The following SCAF8 variants were observed in gnomAD, a reference collection of about 807,000 sequenced individuals.
SCAF8 encodes SR-related CTD associated factor 8.
Under a neutral mutation model 140.5 loss-of-function variants are expected in SCAF8, and 23 were observed. The observed-to-expected ratio is 0.16, with a 90% CI of 0.12 to 0.23. SCAF8 has a LOEUF of 0.23. Ranked by LOEUF, SCAF8 falls within the 10% of genes least tolerant of loss-of-function variation. SCAF8 has a pLI of 1.00. For missense variants in SCAF8, 1,397 were observed against 1,555.7 expected, an observed-to-expected ratio of 0.90 and a Z score of 1.72; for synonymous variants, 575 against 528.9, an observed-to-expected ratio of 1.09 and a Z score of -1.20.
intron 6 of SCAF8, among the ~76,000 whole-genome samples, chr6:154,800,146 C>CGAGA (rs1777732455): frequency 6.6e-6 from 1 of 151,314 alleles, no homozygotes; most frequent in Admixed American, 6.6e-5. Flanking sequence ...CGTTCTCTCT[C>CGAGA]GCCTCTGCTT....
chr6:154,735,919 C>G (rs113036649), intron 1 of SCAF8, among the ~76,000 whole-genome samples: 1 of 150,756 alleles, frequency 6.6e-6, no homozygotes, highest in African/African-American at 2.4e-5. Context: ...CTTTGCCTCC[C>G]GGGCCCAAGG....
chr6:154,761,493 CAAACA>C (rs956573681), intron 1 of SCAF8, among the ~76,000 whole-genome samples: 25 of 152,106 alleles, frequency 1.6e-4, no homozygotes, highest in African/African-American at 5.8e-4. Flanking sequence ...ACCCCTTCTC[CAAACA>C]AAACAAAACA....
intron 3 of SCAF8, among the ~76,000 whole-genome samples, chr6:154,782,952 A>ATGTCCT (rs1405680177): frequency 1.3e-5 from 2 of 152,180 alleles, no homozygotes; most frequent in Non-Finnish European, 2.9e-5. Context: ...CACATCCAAG[A>ATGTCCT]TCAATACTTT....
At chr6:154,773,930 A>T (rs1776846928) in intron 1 of SCAF8, 59 bp from the exon 2 acceptor site, 3 of 1,000,076 alleles carry the variant, frequency 3.0e-6, no homozygotes, top group Admixed American at 1.9e-5. Flanking sequence ...CATGTTTGGT[A>T]GTTTCATGTA....
At chr6:154,765,191 G>C (rs746578598) in intron 1 of SCAF8, among the ~76,000 whole-genome samples, 1 of 152,116 alleles carries the variant, frequency 6.6e-6, no homozygotes, top group Non-Finnish European at 1.5e-5. Flanking sequence ...CTCAACAAAT[G>C]GTCTTTGATG....
intron 1 of SCAF8, among the ~76,000 whole-genome samples, chr6:154,736,100 C>T (rs1048925506): frequency 6.6e-6 from 1 of 151,876 alleles, no homozygotes; most frequent in African/African-American, 2.4e-5. Context: ...GCTGGGATGA[C>T]AGATGTGAGC....
rs182913982 is a variant in SCAF8, at chr6:154,763,759, A to C, written c.31-10230A>C. Among the ~76,000 whole-genome samples, 356 of 152,138 alleles carry C rather than the reference A, an allele frequency of 2.3e-3. 1 individual carries two copies. Among genetic ancestry groups the C allele is most frequent in the African/African-American group, 7.8e-3 (324 of 41,524 alleles). On this transcript the variant is annotated intron_variant, in intron 1 of 19. Transcript: ENST00000367178. ...GTGTTTATCAAAAAAGAAAAAAAAA[A>C]CCCACATCTGTAGAATGGAGAATGT...
intron 1 of SCAF8, among the ~76,000 whole-genome samples, chr6:154,734,845 C>T (rs1351934165): frequency 6.6e-6 from 1 of 152,204 alleles, no homozygotes; most frequent in Non-Finnish European, 1.5e-5. Flanking sequence ...GTAATTATGG[C>T]CGGGAACAGT....
intron 3 of SCAF8, 123 bp downstream of exon 3, chr6:154,778,168 T>C (rs1353469309): frequency 7.0e-6 from 4 of 574,902 alleles, no homozygotes; most frequent in Non-Finnish European, 1.2e-5. Flanking sequence ...ATTCCAGTTA[T>C]TTTATTTTCC....
At chr6:154,761,413 G>A (rs1301555560) in intron 1 of SCAF8, among the ~76,000 whole-genome samples, 1 of 152,142 alleles carries the variant, frequency 6.6e-6, no homozygotes, top group African/African-American at 2.4e-5. Flanking sequence ...TTGAATCCTG[G>A]AGGTGGAGGT....
chr6:154,794,146 T>C (rs1583041267), intron 5 of SCAF8, among the ~76,000 whole-genome samples: 1 of 151,994 alleles, frequency 6.6e-6, no homozygotes, highest in Non-Finnish European at 1.5e-5. Flanking sequence ...CCCAGGCTGG[T>C]CTCGAACTCT....
rs537106588 is a variant in SCAF8, at chr6:154,780,604, C to T, written c.159+2559C>T. Among the ~76,000 whole-genome samples the T allele has an allele frequency of 1.2e-3, 189 of 151,326 alleles. 1 individual carries two copies. Among genetic ancestry groups the T allele is most frequent in the Non-Finnish European group, 2.1e-3 (142 of 67,856 alleles). On this transcript the variant is annotated intron_variant, in intron 3 of 19. Transcript: ENST00000367178. ...GTTGTCATTGTTCAACTCCCACTTACGAGTGAGAACATGGGATCTTTGGTT... is the reference window on the plus strand; with the variant it reads ...GTTGTCATTGTTCAACTCCCACTTATGAGTGAGAACATGGGATCTTTGGTT...
At chr6:154,830,125 C>T (rs17085701) in intron 18 of SCAF8, among the ~76,000 whole-genome samples, 202 of 152,264 alleles carry the variant, frequency 1.3e-3, no homozygotes, top group East Asian at 6.9e-3. Context: ...AGTTGTGTGC[C>T]AGATGCTATC....
chr6:154,781,196 A>C lies in SCAF8; in HGVS notation c.159+3151A>C, dbSNP rs79565762. On this transcript the variant is annotated intron_variant, in intron 3 of 19. Transcript: ENST00000367178. ...AAGCATTCCTATACACCAACAATAT[A>C]CACCAAGCAGAGAGCCACGTTATGA... is the stretch of plus-strand genomic sequence containing the variant. Among the ~76,000 whole-genome samples the C allele has an allele frequency of 7.0e-3, 1,061 of 152,222 alleles. 9 individuals carry two copies. The highest frequency in any genetic ancestry group is 0.011 in the Non-Finnish European group (738 of 68,012).
chr6:154,830,838 A>G, intron 18 of SCAF8, 84 bp from the exon 19 acceptor site: 1 of 974,994 alleles, frequency 1.0e-6, no homozygotes, highest in Admixed American at 2.0e-5. Flanking sequence ...AGATGCCATT[A>G]AATTAAATAC....
chr6:154,801,642 G>A (rs567625535), intron 6 of SCAF8, among the ~76,000 whole-genome samples: 3 of 151,506 alleles, frequency 2.0e-5, no homozygotes, highest in African/African-American at 7.2e-5. Context: ...TTCAGTACTC[G>A]TCCTTTTACT....
chr6:154,743,717 T>C (rs981925774), intron 1 of SCAF8, among the ~76,000 whole-genome samples: 31 of 152,196 alleles, frequency 2.0e-4, no homozygotes, highest in Non-Finnish European at 3.8e-4. Context: ...TTCTTTGATC[T>C]AGCAATGTTT....
At chr6:154,801,759 G>A (rs1183534014) in intron 6 of SCAF8, among the ~76,000 whole-genome samples, 1 of 151,282 alleles carries the variant, frequency 6.6e-6, no homozygotes, top group Non-Finnish European at 1.5e-5. Flanking sequence ...TTTGTTTAAA[G>A]TTCGCTGACT....
At chr6:154,740,041 A>G (rs909440952) in intron 1 of SCAF8, among the ~76,000 whole-genome samples, 2 of 151,972 alleles carry the variant, frequency 1.3e-5, no homozygotes, top group East Asian at 1.9e-4. Flanking sequence ...TTCCTTTCCT[A>G]TTATCATTTT....
Sources: gnomAD v4.1 joint callset for allele counts (sites outside exome capture counted in the v4.1 genomes callset) on GRCh38, gnomAD v4.1.1 for gene constraint, MANE v1.5 for transcripts, NCBI Gene and HGNC (gene_info 2026-07-23, HGNC 2026-07-21) for gene names.